The following SLC39A11 variants were observed in gnomAD, a reference collection of about 807,000 sequenced individuals.
SLC39A11 encodes the protein zinc transporter ZIP11.
In SLC39A11, 33 loss-of-function variants were observed where a neutral mutation model predicts 36.1. The observed-to-expected ratio is 0.91, with a 90% CI of 0.69 to 1.22. The LOEUF (loss-of-function observed/expected upper bound fraction) is 1.22, where lower values mean the gene tolerates loss of function less well. Among genes scored for constraint, SLC39A11 ranks in the 50% most tolerant of loss-of-function variants. The pLI is 0.00. For missense variants in SLC39A11, 432 were observed against 430.3 expected, an observed-to-expected ratio of 1.00 and a Z score of -0.03; for synonymous variants, 166 against 170.3, an observed-to-expected ratio of 0.97 and a Z score of 0.20.
At chr17:73,013,274 G>A (rs1406602688) in intron 4 of SLC39A11, among the ~76,000 whole-genome samples, 1 of 151,218 alleles carries the variant, frequency 6.6e-6, no homozygotes, top group Non-Finnish European at 1.5e-5. Context: ...CTTTAATAGA[G>A]ATGAGGTTTC....
chr17:72,695,127 G>A (rs1160943817), intron 7 of SLC39A11, among the ~76,000 whole-genome samples: 2 of 152,176 alleles, frequency 1.3e-5, no homozygotes, highest in Admixed American at 1.3e-4. Context: ...GGTAGAAACG[G>A]GAAGTCTGTT....
intron 3 of SLC39A11, among the ~76,000 whole-genome samples, chr17:73,063,895 G>C (rs1023766303): frequency 2.0e-5 from 3 of 152,102 alleles, no homozygotes; most frequent in African/African-American, 7.2e-5. Flanking sequence ...GGCAATGACC[G>C]TGTGTCCCTT....
chr17:72,703,566 A>T (rs1158899290), intron 7 of SLC39A11, among the ~76,000 whole-genome samples: 1 of 152,190 alleles, frequency 6.6e-6, no homozygotes, highest in Non-Finnish European at 1.5e-5. Flanking sequence ...TGAAACACAC[A>T]GAGTAAGGTT....
intron 7 of SLC39A11, among the ~76,000 whole-genome samples, chr17:72,671,164 G>C (rs540807618): frequency 6.6e-6 from 1 of 152,256 alleles, no homozygotes; most frequent in Admixed American, 6.5e-5. Flanking sequence ...GCTCTCAAAA[G>C]AACAGTTGCC....
At chr17:72,670,271 G>A (rs1018145125) in intron 7 of SLC39A11, among the ~76,000 whole-genome samples, 1 of 150,438 alleles carries the variant, frequency 6.6e-6, no homozygotes, top group African/African-American at 2.4e-5. Context: ...CTCATGAGGC[G>A]GAGACAGGAT....
intron 6 of SLC39A11, among the ~76,000 whole-genome samples, chr17:72,758,530 A>G (rs2567544): frequency 0.22 from 34,122 of 152,098 alleles, 4,473 homozygotes; most frequent in East Asian, 0.41. Flanking sequence ...TACCGCAGTT[A>G]AGGGTTTCCT....
chr17:72,740,760 C>G (rs755732993), intron 6 of SLC39A11, among the ~76,000 whole-genome samples: 2 of 152,186 alleles, frequency 1.3e-5, no homozygotes, highest in African/African-American at 4.8e-5. Flanking sequence ...TGTCACAAGG[C>G]CTTTTTTTAT....
At chr17:72,740,266 C>A (rs573097862) in intron 6 of SLC39A11, among the ~76,000 whole-genome samples, 1 of 151,704 alleles carries the variant, frequency 6.6e-6, no homozygotes, top group Non-Finnish European at 1.5e-5. Flanking sequence ...GGTTTCACAC[C>A]GTGTTAGCCA....
At chr17:72,802,437 A>C (rs2077118196) in intron 6 of SLC39A11, among the ~76,000 whole-genome samples, 1 of 151,950 alleles carries the variant, frequency 6.6e-6, no homozygotes. Flanking sequence ...TAAAAACACA[A>C]AAATTAGCTG....
Position 73,088,614 on chromosome 17 carries a change from C to T in SLC39A11, c.108+43G>A, listed in dbSNP as rs145369637. On this transcript the variant is annotated intron_variant, in intron 2 of 9. Transcript: ENST00000255559. ...GAGTGGGACAGTGCCCCTTTACCAACGGGCTCCCCACCAACATCCAGAACC... is the reference window on the plus strand; with the variant it reads ...GAGTGGGACAGTGCCCCTTTACCAATGGGCTCCCCACCAACATCCAGAACC... 416 of 1,510,792 alleles carry T rather than the reference C, an allele frequency of 2.8e-4. 1 individual carries two copies. In the African/African-American group the frequency reaches 4.6e-3, roughly 17 times the overall value. The allele number at this position is 1,510,792 out of a possible 1,614,324, so 93.6% of individuals were successfully genotyped here.
intron 5 of SLC39A11, among the ~76,000 whole-genome samples, chr17:72,861,686 T>TATATATATATATATAA (rs1567842112): frequency 1.8e-5 from 2 of 112,618 alleles, no homozygotes; most frequent in Non-Finnish European, 3.7e-5. Flanking sequence ...TATATATATA[T>TATATATATATATATAA]ATAAAATATA....
chr17:72,793,206 A>G (rs527955010), intron 6 of SLC39A11, among the ~76,000 whole-genome samples: 2 of 152,288 alleles, frequency 1.3e-5, no homozygotes, highest in East Asian at 3.9e-4. Context: ...GCAAAGCACC[A>G]GACAAAGGCT....
chr17:72,869,513 C>G (rs142027719), intron 5 of SLC39A11, among the ~76,000 whole-genome samples: 1 of 152,182 alleles, frequency 6.6e-6, no homozygotes, highest in South Asian at 2.1e-4. Flanking sequence ...TCTCAGCCTC[C>G]CAAGTAGCTG....
At chr17:72,928,932 T>C (rs371273013) in intron 5 of SLC39A11, among the ~76,000 whole-genome samples, 1 of 152,116 alleles carries the variant, frequency 6.6e-6, no homozygotes, top group Non-Finnish European at 1.5e-5. Context: ...CCAGAAGCAG[T>C]AGGAAGTCGA....
chr17:72,657,470 T>C (rs913604089), intron 7 of SLC39A11, among the ~76,000 whole-genome samples: 1 of 152,184 alleles, frequency 6.6e-6, no homozygotes, highest in African/African-American at 2.4e-5. Context: ...GAAGATCACT[T>C]GACTGCCCTG....
chr17:72,937,692 CTTG>C (rs1242756179), intron 5 of SLC39A11, among the ~76,000 whole-genome samples: 1 of 152,184 alleles, frequency 6.6e-6, no homozygotes, highest in Admixed American at 6.5e-5. Context: ...GCTGAATCTC[CTTG>C]AAGGCACGTG....
At chr17:72,816,247 T>C (rs987569779) in intron 6 of SLC39A11, among the ~76,000 whole-genome samples, 7 of 152,236 alleles carry the variant, frequency 4.6e-5, no homozygotes, top group African/African-American at 1.7e-4. Context: ...AATCCCTACA[T>C]GTTGGGGAGA....
intron 5 of SLC39A11, among the ~76,000 whole-genome samples, chr17:72,866,700 T>G (rs1346465811): frequency 6.6e-6 from 1 of 152,202 alleles, no homozygotes. Context: ...TTATAATGCT[T>G]ACAGAGAATG....
intron 5 of SLC39A11, among the ~76,000 whole-genome samples, chr17:72,943,169 G>A (rs1028617390): frequency 3.9e-5 from 6 of 152,166 alleles, no homozygotes; most frequent in African/African-American, 9.7e-5. Flanking sequence ...TCGTGTTCCC[G>A]AACAGGACAA....
Sources: allele counts gnomAD v4.1 joint callset (sites outside exome capture counted in the v4.1 genomes callset), GRCh38; gene constraint gnomAD v4.1.1; transcripts MANE v1.5; gene names NCBI Gene and HGNC (gene_info 2026-07-23, HGNC 2026-07-21).